Variants in SLCO1B1 observed in about 807,000 individuals in gnomAD.
SLCO1B1 encodes the protein solute carrier organic anion transporter family member 1B1.
SLCO1B1 carries 81 observed loss-of-function variants against 70.1 expected under a neutral mutation model. That is an observed-to-expected ratio of 1.16 (90% CI 0.97 to 1.39). The LOEUF (loss-of-function observed/expected upper bound fraction) is 1.39, where lower values mean the gene tolerates loss of function less well. Ranked by LOEUF, SLCO1B1 falls within the 40% of genes most tolerant of loss-of-function variation. The probability of loss-of-function intolerance (pLI) is 0.00; values close to 1 mark genes in which losing one functional copy is unlikely to be tolerated. For missense variants in SLCO1B1, 895 were observed against 799.6 expected (o/e 1.12, Z -1.44); for synonymous variants, 283 against 271.5 (o/e 1.04, Z -0.42).
At chr12:21,211,207 T>G (rs986322609) in intron 11 of SLCO1B1, among the ~76,000 whole-genome samples, 1 of 152,168 alleles carries the variant, frequency 6.6e-6, no homozygotes, top group Non-Finnish European at 1.5e-5. Flanking sequence ...TTGTCATAGA[T>G]AGCTCTTATT....
intron 4 of SLCO1B1, 82 bp downstream of exon 4, chr12:21,174,791 T>C: frequency 7.1e-7 from 1 of 1,413,198 alleles, no homozygotes; most frequent in Non-Finnish European, 9.8e-7. Flanking sequence ...ATTATCCCTT[T>C]AAATAGGCAG....
chr12:21,228,113 T>G (rs1048518502), intron 14 of SLCO1B1, among the ~76,000 whole-genome samples: 3 of 152,108 alleles, frequency 2.0e-5, no homozygotes, highest in African/African-American at 7.2e-5. Flanking sequence ...AAAGGGTCGG[T>G]CTTTGTACAT....
intron 2 of SLCO1B1, among the ~76,000 whole-genome samples, chr12:21,166,134 GA>G (rs532930559): frequency 3.3e-5 from 5 of 151,420 alleles, no homozygotes; most frequent in African/African-American, 1.2e-4. Context: ...AATAATATTT[GA>G]AAAAAAAGTG....
chr12:21,208,063 T>A (rs969216026), intron 11 of SLCO1B1, among the ~76,000 whole-genome samples: 3 of 152,104 alleles, frequency 2.0e-5, no homozygotes, highest in Admixed American at 6.6e-5. Context: ...GATGCATGGT[T>A]TGCAAAGGTT....
chr12:21,222,400 ATATAT>A (rs1941437270), intron 13 of SLCO1B1, 36 bp downstream of exon 13: 17 of 81,246 alleles, frequency 2.1e-4, no homozygotes, highest in South Asian at 4.0e-4. Flanking sequence ...AAAAAAAAAT[ATATAT>A]ATATATATAT....
chr12:21,170,323 C>T (rs1274100658), intron 2 of SLCO1B1, among the ~76,000 whole-genome samples: 2 of 152,114 alleles, frequency 1.3e-5, no homozygotes, highest in East Asian at 1.9e-4. Context: ...GTTGTTTTCA[C>T]GATAGCCTGG....
chr12:21,191,445 A>G (rs1300867712), intron 7 of SLCO1B1, among the ~76,000 whole-genome samples: 1 of 152,100 alleles, frequency 6.6e-6, no homozygotes, highest in Non-Finnish European at 1.5e-5. Context: ...ATTCATAGAA[A>G]TATAAGTAAT....
chr12:21,140,227 A>T (rs555135487), intron 1 of SLCO1B1, among the ~76,000 whole-genome samples: 2 of 152,214 alleles, frequency 1.3e-5, no homozygotes, highest in South Asian at 4.1e-4. Context: ...TCAACTGTAC[A>T]TATAATATAT....
intron 3 of SLCO1B1, among the ~76,000 whole-genome samples, chr12:21,173,858 T>C (rs1382194402): frequency 6.6e-6 from 1 of 150,570 alleles, no homozygotes; most frequent in Admixed American, 6.6e-5. Flanking sequence ...CTGCAAGCTC[T>C]GCCTTTCTCC....
intron 2 of SLCO1B1, among the ~76,000 whole-genome samples, chr12:21,165,160 A>G: frequency 6.6e-6 from 1 of 152,308 alleles, no homozygotes; most frequent in Non-Finnish European, 1.5e-5. Flanking sequence ...GCCATAATAA[A>G]TTAATGACCG....
rs4149102 is a variant in SLCO1B1 at position 21,222,372 on chromosome 12, GAAAAAAAAAAA to G, written c.1747+24_1747+34del. The G allele has an allele frequency of 4.0e-4, 10 of 24,950 alleles. No homozygotes were observed. The highest frequency in any genetic ancestry group is 2.9e-3 in the South Asian group (5 of 1,724). 1.5% of individuals were successfully genotyped at this position (24,950 alleles called of 1,614,324 possible). On this transcript the variant is annotated intron_variant, in intron 13 of 14. Coordinates refer to ENST00000256958, the MANE Select transcript of SLCO1B1 (RefSeq NM_006446.5). ...TGGTTATACGAGCACTAGGTATGAT[GAAAAAAAAAAA>G]AAAAAAAAAAAAAAATATATATATA...
At chr12:21,217,830 A>T (rs918982216) in intron 12 of SLCO1B1, among the ~76,000 whole-genome samples, 8 of 152,184 alleles carry the variant, frequency 5.3e-5, no homozygotes, top group African/African-American at 1.7e-4. Context: ...GGCTCATTAG[A>T]AAAGATACAA....
chr12:21,235,479 C>CT (rs764211583), intron 14 of SLCO1B1, among the ~76,000 whole-genome samples: 36 of 134,484 alleles, frequency 2.7e-4, no homozygotes, highest in Non-Finnish European at 3.2e-4. Context: ...AGAAGGTTGC[C>CT]TTTTTTTTTT....
At position 21,174,170 on chromosome 12, in the gene SLCO1B1, T is replaced by G. The variant is rs138953877; in HGVS notation, c.227-407T>G. ...AGACAGATGCCATGGTTTATTCTTT[T>G]TCAAGTAACTTTCTTATTTCTGGCT... On this transcript the variant is annotated intron_variant, in intron 3 of 14. Coordinates refer to ENST00000256958, the MANE Select transcript of SLCO1B1 (RefSeq NM_006446.5). 3.3e-3 allele frequency among the ~76,000 whole-genome samples: 499 copies of G among 152,272 alleles called. 3 individuals carry two copies. The highest frequency in any genetic ancestry group is 0.012 in the African/African-American group (483 of 41,550).
intron 12 of SLCO1B1, among the ~76,000 whole-genome samples, chr12:21,218,078 A>G (rs1461346216): frequency 1.3e-5 from 2 of 152,210 alleles, no homozygotes; most frequent in Admixed American, 1.3e-4. Flanking sequence ...GTACATCTCA[A>G]AATAAGTAAC....
intron 14 of SLCO1B1, among the ~76,000 whole-genome samples, chr12:21,229,992 T>G (rs1941517474): frequency 6.6e-6 from 1 of 152,200 alleles, no homozygotes; most frequent in Admixed American, 6.5e-5. Context: ...TGAAGTTAGA[T>G]GTAGGGTTTT....
rs771380189 is a variant in SLCO1B1, at chr12:21,141,645, G to T, written c.71G>T (p.Cys24Phe). The change falls in exon 2 of 15, where the codon TGC (cysteine) becomes TTC (phenylalanine). Residue 24 changes from cysteine to phenylalanine, a missense_variant. Cys to Phe is a radical substitution (Grantham distance 205). Transcript: ENST00000256958. Reference protein sequence around the residue: ...QPSENKKTRYCNGLKMFLAAL... With the variant: ...QPSENKKTRYFNGLKMFLAAL... ...TCAGAGAATAAGAAAACAAGATACT[G>T]CAATGGATTGAAGGTAGAATAAGTT... is the stretch of plus-strand genomic sequence containing the variant. 1 of 1,600,038 alleles carries T rather than the reference G, an allele frequency of 6.2e-7. No homozygotes were observed. Among genetic ancestry groups the T allele is most frequent in the South Asian group, 1.1e-5 (1 of 90,370 alleles).
rs779251010 is a variant in SLCO1B1 at position 21,178,740 on chromosome 12, T to C, written c.628+18T>C. 6.3e-7 allele frequency: 1 copy of C among 1,584,576 alleles called. No homozygotes were observed. The highest frequency in any genetic ancestry group is 8.7e-7 in the Non-Finnish European group (1 of 1,153,172). On this transcript the variant is annotated intron_variant, in intron 6 of 14. Transcript: ENST00000256958. The stretch of plus-strand genomic sequence containing the variant: ...GTATTTAGGTAATGTACACAAAATA[T>C]TAAATTGTATGATCACTTTCCCTTT...
At chr12:21,233,571 CAA>C (rs60313934) in intron 14 of SLCO1B1, among the ~76,000 whole-genome samples, 28 of 137,594 alleles carry the variant, frequency 2.0e-4, no homozygotes, top group East Asian at 4.6e-4. Context: ...AACAAACAAA[CAA>C]AAAAAAAAAA....
Sources: allele counts gnomAD v4.1 joint callset (sites outside exome capture counted in the v4.1 genomes callset), GRCh38; gene constraint gnomAD v4.1.1; transcripts MANE v1.5; gene names NCBI Gene and HGNC (gene_info 2026-07-23, HGNC 2026-07-21).